DNMBP: variants seen among roughly 807,000 people sequenced by gnomAD.
The protein encoded by DNMBP is dynamin-binding protein.
A neutral mutation model predicts 150.0 loss-of-function variants in DNMBP; 87 were observed. That is an observed-to-expected ratio of 0.58 (90% confidence interval 0.49 to 0.69). The LOEUF (loss-of-function observed/expected upper bound fraction) is 0.69. DNMBP is among the 30% of genes least tolerant of loss of function. DNMBP has a pLI of 0.00. For missense variants in DNMBP, 1,774 were observed against 1,949.0 expected (o/e 0.91, Z 1.69); for synonymous variants, 711 against 750.4 (o/e 0.95, Z 0.86).
chr10:99,999,312 C>G (rs11816527), intron 1 of DNMBP, among the ~76,000 whole-genome samples: 1,886 of 152,328 alleles, frequency 0.012, 43 homozygotes, highest in African/African-American at 0.042. Context: ...AACAGTGGTA[C>G]AACTTTAGGG....
At chr10:99,888,749 G>C (rs920292133) in intron 12 of DNMBP, 76 bp downstream of exon 12, 8 of 1,574,578 alleles carry the variant, frequency 5.1e-6, no homozygotes, top group Middle Eastern at 1.8e-4. Flanking sequence ...TGTGTCCGTG[G>C]AACTGACTTG....
intron 3 of DNMBP, 136 bp downstream of exon 3, chr10:99,968,979 G>T: frequency 1.1e-6 from 1 of 913,356 alleles, no homozygotes; most frequent in Non-Finnish European, 1.7e-6. Flanking sequence ...GCATCATTAC[G>T]TCCACGCTAT....
At chr10:99,952,071 T>C (rs571420266) in intron 4 of DNMBP, among the ~76,000 whole-genome samples, 2 of 152,150 alleles carry the variant, frequency 1.3e-5, no homozygotes, top group African/African-American at 4.8e-5. Flanking sequence ...TCATGAGATC[T>C]GATGGTTTTG....
At chr10:99,902,264 A>G (rs1043837842) in intron 6 of DNMBP, among the ~76,000 whole-genome samples, 3 of 142,246 alleles carry the variant, frequency 2.1e-5, no homozygotes, top group African/African-American at 7.8e-5. Context: ...CTTTTTTCAT[A>G]TCACCTCACA....
At chr10:99,982,812 C>T (rs1196476846) in intron 1 of DNMBP, among the ~76,000 whole-genome samples, 3 of 151,968 alleles carry the variant, frequency 2.0e-5, no homozygotes, top group South Asian at 2.1e-4. Flanking sequence ...ATTAGCTGGA[C>T]GTGGTGGTGA....
chr10:99,959,138 T>C (rs538899866), intron 3 of DNMBP, among the ~76,000 whole-genome samples: 2 of 152,336 alleles, frequency 1.3e-5, no homozygotes, highest in South Asian at 2.1e-4. Context: ...TGTAAAGCAA[T>C]GTCATTCCTC....
In DNMBP at chr10:99,880,823, C is replaced by T. The variant is rs541713611; in HGVS notation, c.3998-462G>A. Among the ~76,000 whole-genome samples, 10 of 152,330 alleles carry T rather than the reference C, an allele frequency of 6.6e-5. No individual in the cohort carries two copies. The South Asian group carries it at 8.3e-4, about 13-fold the overall frequency. On this transcript the variant is annotated intron_variant, in intron 15 of 16. Coordinates refer to ENST00000324109, the MANE Select transcript of DNMBP (RefSeq NM_015221.4). ...CCGAGTTAAGAACCAGCCTCGGCAG[C>T]GCACGGGAGCTCACGCCTGTAATCC...
intron 16 of DNMBP, 109 bp from the exon 17 acceptor site, chr10:99,877,445 T>G: frequency 1.3e-6 from 1 of 781,746 alleles, no homozygotes; most frequent in South Asian, 2.1e-5. Context: ...ATGTGGCTAC[T>G]GAGCCCCTGA....
intron 1 of DNMBP, among the ~76,000 whole-genome samples, chr10:99,978,140 C>A (rs1243212215): frequency 1.3e-5 from 2 of 152,186 alleles, no homozygotes; most frequent in African/African-American, 4.8e-5. Context: ...AATCCCAGCA[C>A]CACCACTGAG....
At chr10:99,920,856 C>A (rs760977866) in intron 4 of DNMBP, among the ~76,000 whole-genome samples, 1 of 152,008 alleles carries the variant, frequency 6.6e-6, no homozygotes, top group South Asian at 2.1e-4. Context: ...TTTTTTTAAT[C>A]TTTTGTAGAG....
chr10:99,892,519 C>T (rs1402744713), intron 11 of DNMBP, among the ~76,000 whole-genome samples: 4 of 126,234 alleles, frequency 3.2e-5, no homozygotes, highest in Admixed American at 1.7e-4. Flanking sequence ...GGATTAAGGG[C>T]GGTGCAAGAT....
intron 1 of DNMBP, among the ~76,000 whole-genome samples, chr10:99,976,758 A>G (rs112206751): frequency 1.3e-5 from 2 of 151,638 alleles, no homozygotes; most frequent in African/African-American, 4.9e-5. Flanking sequence ...AGATTTCCAC[A>G]TAAGGGTGGT....
intron 4 of DNMBP, chr10:99,927,155 G>A (rs1188568018): frequency 2.0e-5 from 3 of 152,304 alleles, no homozygotes; most frequent in Admixed American, 6.5e-5. Flanking sequence ...GAGGAGGGGT[G>A]GCAAGGGGAA....
chr10:99,968,704 A>AAG (rs1230236208), intron 3 of DNMBP, among the ~76,000 whole-genome samples: 1 of 149,430 alleles, frequency 6.7e-6, no homozygotes, highest in African/African-American at 2.5e-5. Context: ...AAAAAAAAAA[A>AAG]AGAGAGAGAG....
chr10:99,934,847 C>A, intron 4 of DNMBP, among the ~76,000 whole-genome samples: 3 of 130,060 alleles, frequency 2.3e-5, no homozygotes, highest in Non-Finnish European at 3.3e-5. Context: ...ACCTGAAATC[C>A]CAGCACTGTG....
At chr10:99,902,266 C>T (rs1350429663) in intron 6 of DNMBP, among the ~76,000 whole-genome samples, 1 of 149,956 alleles carries the variant, frequency 6.7e-6, no homozygotes, top group East Asian at 2.0e-4. Context: ...TTTTTCATAT[C>T]ACCTCACACT....
chr10:99,981,815 T>G (rs2040782266), intron 1 of DNMBP, among the ~76,000 whole-genome samples: 1 of 152,096 alleles, frequency 6.6e-6, no homozygotes, highest in South Asian at 2.1e-4. Context: ...ACAGTGAGAT[T>G]GTGATATTTA....
intron 4 of DNMBP, among the ~76,000 whole-genome samples, chr10:99,913,396 C>T (rs186925575): frequency 1.6e-4 from 25 of 152,114 alleles, no homozygotes; most frequent in Admixed American, 6.6e-4. Context: ...ACAATGGGCC[C>T]GAATATGCCA....
intron 4 of DNMBP, among the ~76,000 whole-genome samples, chr10:99,940,865 G>A (rs1376137895): frequency 6.6e-6 from 1 of 151,986 alleles, no homozygotes; most frequent in Non-Finnish European, 1.5e-5. Flanking sequence ...TTGGCCTCTC[G>A]GCAGCTTCTG....
Sources: allele counts gnomAD v4.1 joint callset (sites outside exome capture counted in the v4.1 genomes callset), GRCh38; gene constraint gnomAD v4.1.1; transcripts MANE v1.5; gene names NCBI Gene and HGNC (gene_info 2026-07-23, HGNC 2026-07-21).